Variants in CFAP70 observed in about 807,000 individuals in gnomAD.
CFAP70 encodes the protein cilia and flagella associated protein 70.
CFAP70 carries 81 observed loss-of-function variants against 137.6 expected under a neutral mutation model. That is an observed-to-expected ratio of 0.59 (90% CI 0.49 to 0.71). The LOEUF is 0.71. CFAP70 is among the 30% of genes least tolerant of loss of function. The probability of loss-of-function intolerance (pLI) is 0.00; values close to 1 mark genes in which losing one functional copy is unlikely to be tolerated. For missense variants in CFAP70, 976 were observed against 1,226.7 expected, an observed-to-expected ratio of 0.80 and a Z score of 3.05; for synonymous variants, 382 against 423.6, an observed-to-expected ratio of 0.90 and a Z score of 1.20.
Position 73,275,716 on chromosome 10 carries a change from A to G in CFAP70, c.2521-118T>C. ...AAATGTATTACAGAATGAAATAATT[A>G]TCCTCAACTTCAAAAGGTAAAGGGT... is the stretch of plus-strand genomic sequence containing the variant. On this transcript the variant is annotated intron_variant, in intron 21 of 26. Transcript: ENST00000310715. This position sits in a 1 kb window ranked among gnomAD's most constrained non-coding sequence, Gnocchi z 4.0. The G allele has an allele frequency of 1.1e-6, 1 of 913,006 alleles. No homozygotes were observed. The highest frequency in any genetic ancestry group is 1.5e-6 in the Non-Finnish European group (1 of 649,346). The allele number at this position is 913,006 out of a possible 1,614,324, so 56.6% of individuals were successfully genotyped here. A position where few individuals can be genotyped will look rare whatever the true frequency, so the allele number is the denominator to read the frequency against.
chr10:73,268,906 T>G (rs1467658855), intron 25 of CFAP70, among the ~76,000 whole-genome samples: 1 of 152,036 alleles, frequency 6.6e-6, no homozygotes, highest in Non-Finnish European at 1.5e-5. Flanking sequence ...AGGCTGGTCT[T>G]GAACTCCTGG....
At chr10:73,330,588 T>G (rs2051974521) in intron 8 of CFAP70, among the ~76,000 whole-genome samples, 1 of 152,062 alleles carries the variant, frequency 6.6e-6, no homozygotes, top group Admixed American at 6.6e-5. Context: ...AAAAAGCCTA[T>G]GTTTAAAGTC....
At chr10:73,308,792 A>C (rs1248472967) in intron 12 of CFAP70, among the ~76,000 whole-genome samples, 1 of 149,134 alleles carries the variant, frequency 6.7e-6, no homozygotes, top group Non-Finnish European at 1.5e-5. Context: ...GGTTCAAAGA[A>C]GAAATCACAA....
intron 25 of CFAP70, among the ~76,000 whole-genome samples, chr10:73,268,854 C>T (rs2046002286): frequency 6.6e-6 from 1 of 151,990 alleles, no homozygotes; most frequent in South Asian, 2.1e-4. Flanking sequence ...CCCACCATTC[C>T]TGGCTAATTT....
chr10:73,296,895 TTTC>T, intron 15 of CFAP70, 144 bp downstream of exon 16: 1 of 884,398 alleles, frequency 1.1e-6, no homozygotes. Flanking sequence ...GCTTAGGCAG[TTTC>T]TTACTCATCT....
chr10:73,332,268 T>G (rs1247421904), intron 7 of CFAP70, among the ~76,000 whole-genome samples: 2 of 152,170 alleles, frequency 1.3e-5, no homozygotes, highest in Non-Finnish European at 2.9e-5. Flanking sequence ...CACACTTACA[T>G]AAGTTTTAAA....
intron 5 of CFAP70, among the ~76,000 whole-genome samples, chr10:73,342,534 C>A (rs902695784): frequency 3.0e-4 from 45 of 151,652 alleles, no homozygotes; most frequent in African/African-American, 1.1e-3. Flanking sequence ...TGGAGTGAGA[C>A]CCTGTCTCTT....
At chr10:73,307,691 C>T (rs934002650) in intron 12 of CFAP70, among the ~76,000 whole-genome samples, 1 of 151,648 alleles carries the variant, frequency 6.6e-6, no homozygotes, top group African/African-American at 2.4e-5. Context: ...ACAACAGAAC[C>T]CCATACAACA....
rs946718673 is a variant in CFAP70 at position 73,274,375 on chromosome 10, G to T, written c.2835+58C>A. ...TTAGTCCACACAGATAGATGTTAATGCTTGAATTACAATTAGTTCCCAGAC... is the reference window on the plus strand; with the variant it reads ...TTAGTCCACACAGATAGATGTTAATTCTTGAATTACAATTAGTTCCCAGAC... On this transcript the variant is annotated intron_variant, in intron 23 of 26. Coordinates refer to ENST00000310715, the Ensembl canonical transcript of CFAP70. 2.4e-5 allele frequency: 36 copies of T among 1,522,028 alleles called. 1 individual carries two copies. Among genetic ancestry groups the T allele is most frequent in the Middle Eastern group, 3.5e-4 (2 of 5,722 alleles). 94.3% of individuals were successfully genotyped at this position (1,522,028 alleles called of 1,614,324 possible).
At chr10:73,319,172 C>T (rs575042589) in intron 9 of CFAP70, among the ~76,000 whole-genome samples, 6 of 152,250 alleles carry the variant, frequency 3.9e-5, no homozygotes, top group African/African-American at 1.2e-4. Flanking sequence ...CTAAACATAA[C>T]GTCTTAATAT....
At chr10:73,355,538 G>T (rs974037009) in intron 1 of CFAP70, among the ~76,000 whole-genome samples, 3 of 152,174 alleles carry the variant, frequency 2.0e-5, no homozygotes, top group Non-Finnish European at 4.4e-5. Flanking sequence ...CAACACTTTG[G>T]AAGGCGAGGC....
chr10:73,307,916 G>A (rs192088903), intron 12 of CFAP70, among the ~76,000 whole-genome samples: 37 of 151,548 alleles, frequency 2.4e-4, no homozygotes, highest in Middle Eastern at 3.4e-3. Flanking sequence ...AGGCTGAGGC[G>A]GGCAGATTGC....
At chr10:73,310,346 A>G (rs113368256) in intron 11 of CFAP70, 97 bp from the exon 13 acceptor site, 69 of 719,446 alleles carry the variant, frequency 9.6e-5, no homozygotes, top group African/African-American at 9.1e-4. Context: ...TAAGTGAGAA[A>G]ACTGCATATA....
rs181762529 is a variant in CFAP70, at chr10:73,277,432, C to G, written c.2399-71G>C. On this transcript the variant is annotated intron_variant, in intron 20 of 26. Coordinates refer to ENST00000310715, the Ensembl canonical transcript of CFAP70. Reference sequence around the variant, plus strand: ...AAAGTGTCAGAAATTCAGACACATTCGGGTGGGTGCGGTGGCTCACGCCTG... The same window carrying G: ...AAAGTGTCAGAAATTCAGACACATTGGGGTGGGTGCGGTGGCTCACGCCTG... 5.8e-6 allele frequency: 9 copies of G among 1,544,570 alleles called. No homozygotes were observed. The East Asian group carries it at 2.1e-4, about 36-fold the overall frequency.
intron 25 of CFAP70, among the ~76,000 whole-genome samples, chr10:73,259,195 C>T (rs1453199904): frequency 1.3e-5 from 2 of 152,088 alleles, no homozygotes; most frequent in Non-Finnish European, 2.9e-5. Flanking sequence ...GTACTCTTTC[C>T]CTTTATTTCT....
chr10:73,314,994 G>A (rs1016862704), intron 9 of CFAP70, among the ~76,000 whole-genome samples: 2 of 151,250 alleles, frequency 1.3e-5, no homozygotes, highest in Admixed American at 6.6e-5. Flanking sequence ...CAGGAGGATC[G>A]TTTGAGCCCA....
intron 8 of CFAP70, among the ~76,000 whole-genome samples, chr10:73,329,424 G>A (rs569330293): frequency 4.6e-5 from 7 of 151,958 alleles, no homozygotes; most frequent in East Asian, 1.9e-4. Flanking sequence ...ACACCAGCAC[G>A]GCACATGCAT....
At chr10:73,350,889 T>C (rs915362091) in intron 3 of CFAP70, among the ~76,000 whole-genome samples, 31 of 151,068 alleles carry the variant, frequency 2.1e-4, no homozygotes, top group Non-Finnish European at 3.2e-4. Context: ...GCCTCTGGAG[T>C]AGCTAGGGCT....
intron 25 of CFAP70, among the ~76,000 whole-genome samples, chr10:73,259,804 A>G (rs2133560246): frequency 6.6e-6 from 1 of 152,170 alleles, no homozygotes; most frequent in South Asian, 2.1e-4. Context: ...GCTGAGGGGG[A>G]AAGATCGCTC....
Sources: allele counts gnomAD v4.1 joint callset (sites outside exome capture counted in the v4.1 genomes callset), GRCh38; gene constraint gnomAD v4.1.1; non-coding constraint Gnocchi (gnomAD v3.1); transcripts MANE v1.5; gene names NCBI Gene and HGNC (gene_info 2026-07-23, HGNC 2026-07-21).